SH2B1: variants seen among roughly 807,000 people sequenced by gnomAD.
SH2B1 encodes SH2B adaptor protein 1, also known as SH2B adapter protein 1.
In SH2B1, 15 loss-of-function variants were observed where a neutral mutation model predicts 62.6. That is an observed-to-expected ratio of 0.24 (90% CI 0.16 to 0.37). The LOEUF is 0.37. SH2B1 is among the 10% of genes least tolerant of loss of function. SH2B1 has a pLI of 1.00. For synonymous variants in SH2B1, 443 were observed against 438.0 expected (o/e 1.01, Z -0.14); for missense variants, 925 against 1,015.6 (o/e 0.91, Z 1.21).
chr16:28,854,897 A>T (rs937538658), intron 1 of SH2B1, among the ~76,000 whole-genome samples: 9 of 152,258 alleles, frequency 5.9e-5, no homozygotes, highest in African/African-American at 1.7e-4. Context: ...TTGTTTTGAG[A>T]CAGAGTCTCG....
chr16:28,869,138 G>A, intron 3 of SH2B1, 41 bp downstream of exon 3: 1 of 1,613,482 alleles, frequency 6.2e-7, no homozygotes, highest in South Asian at 1.1e-5. Context: ...CATAGAGTGG[G>A]GTTGGGGAGC....
chr16:28,864,790 T>C lies in SH2B1; in HGVS notation c.-1305T>C. The C allele has an allele frequency of 2.3e-6, 1 of 427,276 alleles. No individual in the cohort carries two copies. The highest frequency in any genetic ancestry group is 9.9e-5 in the South Asian group (1 of 10,084). The allele number at this position is 427,276 out of a possible 1,614,324, so 26.5% of individuals were successfully genotyped here. ...GAGGGCTCCTCCTTTCTCTAATTTC[T>C]ATTTTAGAAAATTGGAACAATAATA... is the stretch of plus-strand genomic sequence containing the variant. On this transcript the variant is annotated 5_prime_UTR_variant, in exon 1 of 8. Transcript: ENST00000684370.
Position 28,872,042 on chromosome 16 carries a change from T to C in SH2B1, c.1513+59T>C, listed in dbSNP as rs1456500596. ...CTGGGTGCCTACCTTCCTGACCACC[T>C]CTCCTGGGATCCCGAGGGAGCTGGC... On this transcript the variant is annotated intron_variant, in intron 5 of 7. Coordinates refer to ENST00000684370, the MANE Select transcript of SH2B1 (RefSeq NM_001387430.1). The surrounding 1 kb of genome is among the most constrained non-coding windows in gnomAD (Gnocchi z 5.3). The C allele has an allele frequency of 7.5e-7, 1 of 1,330,650 alleles. No individual in the cohort carries two copies. Among genetic ancestry groups the C allele is most frequent in the Non-Finnish European group, 1.1e-6 (1 of 925,810 alleles). The allele number at this position is 1,330,650 out of a possible 1,614,324, so 82.4% of individuals were successfully genotyped here.
chr16:28,869,144 G>A, intron 3 of SH2B1, 47 bp downstream of exon 3: 4 of 1,613,474 alleles, frequency 2.5e-6, no homozygotes, highest in Non-Finnish European at 3.4e-6. Flanking sequence ...GTGGGGTTGG[G>A]GAGCAGCCTT....
At chr16:28,851,597 G>A (rs1272514051) in intron 1 of SH2B1, among the ~76,000 whole-genome samples, 3 of 150,738 alleles carry the variant, frequency 2.0e-5, no homozygotes, top group Non-Finnish European at 4.4e-5. Context: ...CAAGTAGCTG[G>A]GATTCCAGGC....
Position 28,873,843 on chromosome 16 carries a change from T to C in SH2B1, c.*23T>C. On this transcript the variant is annotated 3_prime_UTR_variant, in exon 8 of 8. Coordinates refer to ENST00000684370, the MANE Select transcript of SH2B1 (RefSeq NM_001387430.1). The surrounding 1 kb of genome is among the most constrained non-coding windows in gnomAD (Gnocchi z 4.2). The stretch of plus-strand genomic sequence containing the variant: ...TGAGCCAACCCCACCCGCTCCACCC[T>C]TTTTAAACCCCCCAGCCCTGCTCGT... The C allele has an allele frequency of 7.1e-7, 1 of 1,412,250 alleles. No individual in the cohort carries two copies. Among genetic ancestry groups the C allele is most frequent in the East Asian group, 2.7e-5 (1 of 37,030 alleles). 87.5% of individuals were successfully genotyped at this position (1,412,250 alleles called of 1,614,324 possible).
Position 28,873,278 on chromosome 16 carries a change from G to C in SH2B1, c.1898-169G>C, listed in dbSNP as rs1963149054. ...GGAGCGAGTGACTGTGTGTAAGTGT[G>C]GTCCTCCTCTCACCACCGCCCATGA... On this transcript the variant is annotated intron_variant, in intron 7 of 7. Coordinates refer to ENST00000684370, the MANE Select transcript of SH2B1 (RefSeq NM_001387430.1). The surrounding 1 kb of genome is among the most constrained non-coding windows in gnomAD (Gnocchi z 4.2). 6.2e-7 allele frequency: 1 copy of C among 1,604,802 alleles called. No individual in the cohort carries two copies. The highest frequency in any genetic ancestry group is 8.5e-7 in the Non-Finnish European group (1 of 1,176,666).
At chr16:28,857,589 G>A (rs1318772357) in intron 1 of SH2B1, among the ~76,000 whole-genome samples, 1 of 152,008 alleles carries the variant, frequency 6.6e-6, no homozygotes, top group Non-Finnish European at 1.5e-5. Context: ...TACAAAGCAG[G>A]GCCAGCCAAT....
chr16:28,865,960 C>A lies in SH2B1; in HGVS notation c.-135C>A. On this transcript the variant is annotated 5_prime_UTR_variant, in exon 1 of 8. Transcript: ENST00000684370. ...CTGGCTGGGGGTGGGATGCAGCCTCCGGTGCGCCCTCAGCAGTGACCCTCG... is the reference window on the plus strand; with the variant it reads ...CTGGCTGGGGGTGGGATGCAGCCTCAGGTGCGCCCTCAGCAGTGACCCTCG... 6.9e-7 allele frequency: 1 copy of A among 1,448,014 alleles called. No individual in the cohort carries two copies. The highest frequency in any genetic ancestry group is 1.5e-5 in the South Asian group (1 of 67,094). The allele number at this position is 1,448,014 out of a possible 1,614,324, so 89.7% of individuals were successfully genotyped here.
rs185097090 is a variant in SH2B1, at chr16:28,865,246, C to T, written c.-849C>T. ...GGCCCCTGCGGCCTCTGGCCCCAGACTGAAGGGATACCAAAGAAGTGGGCT... is the reference window on the plus strand; with the variant it reads ...GGCCCCTGCGGCCTCTGGCCCCAGATTGAAGGGATACCAAAGAAGTGGGCT... On this transcript the variant is annotated 5_prime_UTR_variant, in exon 1 of 8. Coordinates refer to ENST00000684370, the MANE Select transcript of SH2B1 (RefSeq NM_001387430.1). 3.0e-6 allele frequency: 3 copies of T among 985,666 alleles called. No homozygotes were observed. In the East Asian group the frequency reaches 3.3e-4, roughly 110 times the overall value. 61.1% of individuals were successfully genotyped at this position (985,666 alleles called of 1,614,324 possible).
At position 28,866,031 on chromosome 16, in the gene SH2B1, G is replaced by C. The variant is rs370859940; in HGVS notation, c.-64G>C. The C allele has an allele frequency of 6.7e-7, 1 of 1,502,294 alleles. No homozygotes were observed. The highest frequency in any genetic ancestry group is 1.3e-5 in the South Asian group (1 of 75,326). 93.1% of individuals were successfully genotyped at this position (1,502,294 alleles called of 1,614,324 possible). A position where few individuals can be genotyped will look rare whatever the true frequency, so the allele number is the denominator to read the frequency against. On this transcript the variant is annotated 5_prime_UTR_variant, in exon 1 of 8. Coordinates refer to ENST00000684370, the MANE Select transcript of SH2B1 (RefSeq NM_001387430.1). The surrounding 1 kb of genome is among the most constrained non-coding windows in gnomAD (Gnocchi z 6.3). ...TCGCAGCTGCTGCCGCCCACCCCTC[G>C]TCTTCTGGCTGCCTCCCTCTTTGTG...
chr16:28,873,135 C>A lies in SH2B1; in HGVS notation c.1898-312C>A. 3 of 1,362,782 alleles carry A rather than the reference C, an allele frequency of 2.2e-6. No homozygotes were observed. The highest frequency in any genetic ancestry group is 3.0e-6 in the Non-Finnish European group (3 of 1,000,926). The allele number at this position is 1,362,782 out of a possible 1,614,324, so 84.4% of individuals were successfully genotyped here. A position where few individuals can be genotyped will look rare whatever the true frequency, so the allele number is the denominator to read the frequency against. ...GATCTCTCCCTTTCCCCTGCCCCAC[C>A]GTCCCATCTGTCCCCACGTTGCCCC... is the stretch of plus-strand genomic sequence containing the variant. On this transcript the variant is annotated intron_variant, in intron 7 of 7. Transcript: ENST00000684370. The surrounding 1 kb of genome is among the most constrained non-coding windows in gnomAD (Gnocchi z 4.2).
At chr16:28,850,495 G>A (rs982151813) in intron 1 of SH2B1, among the ~76,000 whole-genome samples, 1 of 152,198 alleles carries the variant, frequency 6.6e-6, no homozygotes, top group Non-Finnish European at 1.5e-5. Context: ...GAACCCAGGA[G>A]TTTGAGGCTG....
In SH2B1 at chr16:28,871,873, T is replaced by C. The variant is rs1963059818; in HGVS notation, c.1403T>C (p.Leu468Pro). ...TCCCATTTTGACTCGATGGAACTGC[T>C]TCCCCCAGAGTTGCCCCCCCGCATC... is the stretch of plus-strand genomic sequence containing the variant. ...AASHFDSMEL[L>P]PPELPPRIPI... The change falls in exon 5 of 8, where the codon CTT (leucine) becomes CCT (proline). Residue 468 changes from leucine (L) to proline (P), a missense_variant. Physicochemically the swap from Leu to Pro is moderately conservative, Grantham distance 98 (BLOSUM62 -3). This residue lies in a region of SH2B1 where 683 missense variants were observed against 704.0 expected (regional missense o/e 0.97). Coordinates refer to ENST00000684370, the MANE Select transcript of SH2B1 (RefSeq NM_001387430.1). The C allele has an allele frequency of 3.2e-6, 5 of 1,580,058 alleles. No individual in the cohort carries two copies. The highest frequency in any genetic ancestry group is 4.3e-6 in the Non-Finnish European group (5 of 1,150,128).
intron 1 of SH2B1, among the ~76,000 whole-genome samples, chr16:28,858,454 T>C (rs918889904): frequency 7.9e-5 from 12 of 152,070 alleles, no homozygotes; most frequent in African/African-American, 2.9e-4. Flanking sequence ...AGGTGGAGGT[T>C]GCAGTAAGCC....
intron 1 of SH2B1, among the ~76,000 whole-genome samples, chr16:28,847,908 C>G (rs1962017889): frequency 6.7e-6 from 1 of 150,086 alleles, no homozygotes; most frequent in African/African-American, 2.5e-5. Context: ...TCACTGCAAC[C>G]TCCACCTCCT....
intron 1 of SH2B1, among the ~76,000 whole-genome samples, chr16:28,847,153 AGATGAGGAGCCAAG>A (rs1290508136): frequency 4.6e-5 from 7 of 152,344 alleles, no homozygotes; most frequent in South Asian, 2.1e-4. Context: ...CTAATTTTGC[AGATGAGGAGCCAAG>A]GATGAGGAGC....
rs1253366604 is a variant in SH2B1, at chr16:28,852,809, C to CAT, written c.-301+5987_-301+5988dup. 1.6e-3 allele frequency among the ~76,000 whole-genome samples: 65 copies of CAT among 39,478 alleles called. 2 individuals are homozygous for CAT. The highest frequency in any genetic ancestry group is 6.2e-3 in the African/African-American group (61 of 9,816). The allele number at this position is 39,478 out of a possible 152,430, so 25.9% of individuals were successfully genotyped here. Reference sequence around the variant, plus strand: ...ACATATATATTTACATATATATTTACATATATTTACATATATATTTATATA... The same window carrying CAT: ...ACATATATATTTACATATATATTTACATATATATTTACATATATATTTATATA... On this transcript the variant is annotated intron_variant, in intron 1 of 10. Transcript: ENST00000322610.
chr16:28,860,315 G>A (rs1020985712), upstream of SH2B1, among the ~76,000 whole-genome samples: 2 of 147,442 alleles, frequency 1.4e-5, no homozygotes, highest in African/African-American at 5.0e-5. Context: ...GCAGTGGCAC[G>A]ATCTTGGCTC....
Sources: gnomAD v4.1 joint callset for allele counts (sites outside exome capture counted in the v4.1 genomes callset) on GRCh38, gnomAD v4.1.1 for gene constraint, gnomAD v4.1.1 regional missense constraint, Gnocchi (gnomAD v3.1) non-coding constraint, MANE v1.5 for transcripts, NCBI Gene and HGNC (gene_info 2026-07-23, HGNC 2026-07-21) for gene names.